The following MLLT3 variants were observed in gnomAD, a reference collection of about 807,000 sequenced individuals.
MLLT3 encodes protein AF-9.
Under a neutral mutation model 53.2 loss-of-function variants are expected in MLLT3, and 4 were observed. The ratio of observed to expected loss-of-function variants is 0.08; its 90% CI spans 0.04 to 0.17. The LOEUF (loss-of-function observed/expected upper bound fraction) is 0.17, where lower values mean the gene tolerates loss of function less well. Among genes scored for constraint, MLLT3 ranks in the 10% least tolerant of loss-of-function variants. The pLI, the probability that MLLT3 is intolerant of heterozygous loss-of-function variation, is 1.00. For synonymous variants in MLLT3, 283 were observed against 230.6 expected, an observed-to-expected ratio of 1.23 and a Z score of -2.06; for missense variants, 569 against 684.0, an observed-to-expected ratio of 0.83 and a Z score of 1.87.
At chr9:20,583,259 G>A (rs138193676) in intron 2 of MLLT3, among the ~76,000 whole-genome samples, 1 of 152,292 alleles carries the variant, frequency 6.6e-6, no homozygotes, top group African/African-American at 2.4e-5. Context: ...TGGGTTCGTG[G>A]TCTTGGACAA....
At chr9:20,531,295 C>G (rs186429331) in intron 2 of MLLT3, among the ~76,000 whole-genome samples, 38 of 152,008 alleles carry the variant, frequency 2.5e-4, no homozygotes, top group Admixed American at 1.0e-3. Context: ...GCCACCACGC[C>G]CAAGTAATTT....
intron 2 of MLLT3, among the ~76,000 whole-genome samples, chr9:20,530,236 G>C (rs1029665294): frequency 2.6e-5 from 4 of 152,252 alleles, no homozygotes; most frequent in South Asian, 4.1e-4. Context: ...GATTAGACCA[G>C]GAAGTCATAC....
At chr9:20,375,668 C>T (rs545446383) in intron 5 of MLLT3, among the ~76,000 whole-genome samples, 10 of 143,366 alleles carry the variant, frequency 7.0e-5, no homozygotes, top group African/African-American at 2.1e-4. Context: ...AGTGCAGTGG[C>T]GCGGTTCTCA....
chr9:20,569,387 C>T (rs544929591), intron 2 of MLLT3, among the ~76,000 whole-genome samples: 1 of 152,164 alleles, frequency 6.6e-6, no homozygotes, highest in Non-Finnish European at 1.5e-5. Flanking sequence ...CACCATTACC[C>T]AATGTTGTAC....
rs186674874 is a variant in MLLT3, at chr9:20,524,528, T to A, written c.194-67742A>T. Among the ~76,000 whole-genome samples, 162 of 151,882 alleles carry A rather than the reference T, an allele frequency of 1.1e-3. 2 individuals are homozygous for A. The South Asian group carries it at 0.012, about 11-fold the overall frequency. On this transcript the variant is annotated intron_variant, in intron 2 of 10. Coordinates refer to ENST00000380338, the MANE Select transcript of MLLT3 (RefSeq NM_004529.4). The stretch of plus-strand genomic sequence containing the variant: ...GTGACTAACGAAAAATAACTTTTTT[T>A]AAAAAAAATGACAGGCTCTCGGGCT...
intron 2 of MLLT3, among the ~76,000 whole-genome samples, chr9:20,590,034 A>C (rs1014892578): frequency 6.6e-6 from 1 of 152,096 alleles, no homozygotes; most frequent in East Asian, 1.9e-4. Flanking sequence ...GAGCTGAGTT[A>C]CCCGCCAGGA....
chr9:20,588,549 G>T (rs1340183765), intron 2 of MLLT3, among the ~76,000 whole-genome samples: 1 of 152,006 alleles, frequency 6.6e-6, no homozygotes, highest in Non-Finnish European at 1.5e-5. Context: ...CCTTGAAGAG[G>T]TCCTTCACAT....
At chr9:20,583,656 T>C (rs1476785888) in intron 2 of MLLT3, among the ~76,000 whole-genome samples, 4 of 152,182 alleles carry the variant, frequency 2.6e-5, no homozygotes, top group Non-Finnish European at 4.4e-5. Flanking sequence ...CTGCCAAGTC[T>C]TGGGGCTTCC....
At chr9:20,441,626 CT>C (rs1296892520) in intron 4 of MLLT3, among the ~76,000 whole-genome samples, 1 of 152,082 alleles carries the variant, frequency 6.6e-6, no homozygotes, top group Admixed American at 6.6e-5. Context: ...AATAAACCAC[CT>C]TTTATCAGTG....
chr9:20,496,109 T>C (rs542590400), intron 2 of MLLT3, among the ~76,000 whole-genome samples: 1 of 152,338 alleles, frequency 6.6e-6, no homozygotes, highest in Non-Finnish European at 1.5e-5. Context: ...ATGCTTTCTA[T>C]AAGGATTTCA....
intron 5 of MLLT3, among the ~76,000 whole-genome samples, chr9:20,395,685 T>C (rs1329341262): frequency 6.6e-6 from 1 of 152,200 alleles, no homozygotes. Flanking sequence ...AAACACCTTT[T>C]AGCTGTCCTT....
rs1346100633 is a variant in MLLT3 at position 20,448,248 on chromosome 9, G to A, written c.295C>T (p.Arg99Cys). 3 of 1,612,936 alleles carry A rather than the reference G, an allele frequency of 1.9e-6. No individual in the cohort carries two copies. The highest frequency in any genetic ancestry group is 2.5e-6 in the Non-Finnish European group (3 of 1,179,446). The stretch of plus-strand genomic sequence containing the variant: ...TGCAGGAATAAGTCATAATCAAAGC[G>A]GACTTTCCTAGGTTCTTCCTGGAGG... ...FKNKEEPRKV[R>C]FDYDLFLHLE... Residue 99 changes from arginine (R) to cysteine (C), a missense_variant, in exon 4 of 11, where the codon CGC (arginine) becomes TGC (cysteine). Coordinates refer to ENST00000380338, the MANE Select transcript of MLLT3 (RefSeq NM_004529.4). This position sits in a 1 kb window ranked among gnomAD's most constrained non-coding sequence, Gnocchi z 4.0.
chr9:20,555,760 C>T (rs1436288290), intron 2 of MLLT3, among the ~76,000 whole-genome samples: 2 of 152,162 alleles, frequency 1.3e-5, no homozygotes, highest in Non-Finnish European at 2.9e-5. Flanking sequence ...AAGGAGGAGA[C>T]CCACTAGAAG....
intron 2 of MLLT3, among the ~76,000 whole-genome samples, chr9:20,529,724 C>CTTTTTTT (rs5896896): frequency 3.9e-5 from 3 of 76,404 alleles, no homozygotes; most frequent in Admixed American, 1.8e-4. Context: ...TAATCCAATC[C>CTTTTTTT]TTTTTTTTTT....
In MLLT3 at chr9:20,356,676, G is replaced by A. The variant is rs1821178740; in HGVS notation, c.1432-1797C>T. 7.9e-5 allele frequency among the ~76,000 whole-genome samples: 12 copies of A among 152,286 alleles called. 1 individual carries two copies. In the South Asian group the frequency reaches 2.5e-3, roughly 32 times the overall value. ...CCCTCCTCCAACTCCTGTACTCTGGGTGTTGAAGTGACTTGAGGACGCTGT... is the reference window on the plus strand; with the variant it reads ...CCCTCCTCCAACTCCTGTACTCTGGATGTTGAAGTGACTTGAGGACGCTGT... On this transcript the variant is annotated intron_variant, in intron 8 of 10. Coordinates refer to ENST00000380338, the MANE Select transcript of MLLT3 (RefSeq NM_004529.4).
rs117744310 is a variant in MLLT3 at position 20,416,424 on chromosome 9, G to A, written c.421-1999C>T. ...AGTATTAAAAAACAGCAACACTCCA[G>A]CACCAGGAAGGAAAATAAAACTTCT... is the stretch of plus-strand genomic sequence containing the variant. On this transcript the variant is annotated intron_variant, in intron 4 of 10. Coordinates refer to ENST00000380338, the MANE Select transcript of MLLT3 (RefSeq NM_004529.4). 3.4e-3 allele frequency among the ~76,000 whole-genome samples: 517 copies of A among 152,002 alleles called. 3 individuals are homozygous for A. Among genetic ancestry groups the A allele is most frequent in the Non-Finnish European group, 4.1e-3 (278 of 67,872 alleles).
chr9:20,475,067 G>A (rs551304256), intron 2 of MLLT3, among the ~76,000 whole-genome samples: 1 of 152,130 alleles, frequency 6.6e-6, no homozygotes, highest in South Asian at 2.1e-4. Flanking sequence ...ATGGCCGGGG[G>A]GTGGGAACTG....
chr9:20,527,038 T>C (rs1818220724), intron 2 of MLLT3, among the ~76,000 whole-genome samples: 2 of 152,204 alleles, frequency 1.3e-5, no homozygotes, highest in African/African-American at 2.4e-5. Flanking sequence ...CACAAGTACT[T>C]GGTCCAAAGC....
chr9:20,438,914 G>C (rs895531255), intron 4 of MLLT3, among the ~76,000 whole-genome samples: 2 of 151,882 alleles, frequency 1.3e-5, no homozygotes, highest in African/African-American at 4.8e-5. Flanking sequence ...TCATGAATAG[G>C]GATCCTTATC....
Sources: gnomAD v4.1 joint callset for allele counts (sites outside exome capture counted in the v4.1 genomes callset) on GRCh38, gnomAD v4.1.1 for gene constraint, Gnocchi (gnomAD v3.1) non-coding constraint, MANE v1.5 for transcripts, NCBI Gene and HGNC (gene_info 2026-07-23, HGNC 2026-07-21) for gene names.